The following CTNNA2 variants were observed in gnomAD, a reference collection of about 807,000 sequenced individuals.
The protein encoded by CTNNA2 is catenin alpha 2, also known as catenin alpha-2.
Under a neutral mutation model 101.0 loss-of-function variants are expected in CTNNA2, and 42 were observed. That is an observed-to-expected ratio of 0.42 (90% confidence interval 0.32 to 0.54). The LOEUF is 0.54. Among genes scored for constraint, CTNNA2 ranks in the 20% least tolerant of loss-of-function variants. CTNNA2 has a pLI of 0.14. For missense variants in CTNNA2, 871 were observed against 1,223.1 expected, an observed-to-expected ratio of 0.71 and a Z score of 4.29; for synonymous variants, 450 against 456.4, an observed-to-expected ratio of 0.99 and a Z score of 0.18.
intron 2 of CTNNA2, among the ~76,000 whole-genome samples, chr2:79,242,754 G>T (rs1012804069): frequency 2.6e-5 from 4 of 151,912 alleles, no homozygotes; most frequent in Non-Finnish European, 5.9e-5. Context: ...AACTGCTTGA[G>T]CCCAGAAGTT....
chr2:79,249,760 T>A (rs1674745501), intron 2 of CTNNA2, among the ~76,000 whole-genome samples: 2 of 152,206 alleles, frequency 1.3e-5, no homozygotes, highest in African/African-American at 2.4e-5. Context: ...TTAGACCTTC[T>A]TCTTGCATAG....
chr2:80,612,854 G>A (rs372471795), intron 17 of CTNNA2: 1 of 151,320 alleles, frequency 6.6e-6, no homozygotes, highest in African/African-American at 2.4e-5. Context: ...ATTTCAATTT[G>A]GGTTTGGAAT....
At chr2:80,485,094 A>G (rs1041819100) in intron 9 of CTNNA2, among the ~76,000 whole-genome samples, 4 of 152,162 alleles carry the variant, frequency 2.6e-5, no homozygotes, top group African/African-American at 9.7e-5. Context: ...AATAGTTTGT[A>G]AGTGTACGTG....
At chr2:79,566,871 A>G (rs75363706) in intron 1 of CTNNA2, among the ~76,000 whole-genome samples, 2 of 152,316 alleles carry the variant, frequency 1.3e-5, no homozygotes, top group East Asian at 3.9e-4. Context: ...AATTCCTTCT[A>G]TATTTACAAC....
intron 3 of CTNNA2, among the ~76,000 whole-genome samples, chr2:79,832,893 G>A (rs942672834): frequency 2.6e-5 from 4 of 152,048 alleles, no homozygotes; most frequent in Admixed American, 6.6e-5. Flanking sequence ...TACTATTCTC[G>A]TAAATTTTAA....
chr2:79,538,991 T>C (rs775234546), intron 1 of CTNNA2, among the ~76,000 whole-genome samples: 13 of 152,160 alleles, frequency 8.5e-5, no homozygotes, highest in Non-Finnish European at 1.3e-4. Flanking sequence ...AGAGAAGTGA[T>C]CTGCTTACAT....
intron 1 of CTNNA2, among the ~76,000 whole-genome samples, chr2:79,188,118 T>A (rs1246711240): frequency 6.6e-6 from 1 of 152,192 alleles, no homozygotes; most frequent in Non-Finnish European, 1.5e-5. Context: ...TATGGATATA[T>A]GTATATTATT....
At chr2:79,946,548 A>G (rs1165757119) in intron 7 of CTNNA2, among the ~76,000 whole-genome samples, 2 of 152,190 alleles carry the variant, frequency 1.3e-5, no homozygotes, top group Non-Finnish European at 2.9e-5. Context: ...GTGTAGTCCA[A>G]TATTAAACAC....
At chr2:80,345,869 A>T (rs184102836) in intron 7 of CTNNA2, among the ~76,000 whole-genome samples, 58 of 152,306 alleles carry the variant, frequency 3.8e-4, no homozygotes, top group African/African-American at 1.3e-3. Flanking sequence ...GTTTAATCAT[A>T]CGTGGCCTAG....
At chr2:79,681,033 TG>T (rs149172600) in intron 2 of CTNNA2, among the ~76,000 whole-genome samples, 3,286 of 152,188 alleles carry the variant, frequency 0.022, 115 homozygotes, top group African/African-American at 0.075. Context: ...TGCACACCTG[TG>T]GTCCTAGCTA....
rs73938191 is a variant in CTNNA2, at chr2:79,321,062, C to A, written c.-318+8266C>A. ...GTAATGGATTTGGCTACTGTTATTA[C>A]GTAATCACAACTACCTTTGTTAAGT... On this transcript the variant is annotated intron_variant, in intron 3 of 21. Coordinates refer to the CTNNA2 transcript ENST00000466387. 2.2e-3 allele frequency among the ~76,000 whole-genome samples: 332 copies of A among 152,234 alleles called. 3 individuals are homozygous for A. Among genetic ancestry groups the A allele is most frequent in the African/African-American group, 6.7e-3 (277 of 41,536 alleles).
chr2:79,901,901 G>A (rs530912071), intron 6 of CTNNA2, among the ~76,000 whole-genome samples: 2 of 152,280 alleles, frequency 1.3e-5, no homozygotes, highest in South Asian at 4.1e-4. Flanking sequence ...TTACAGCTGA[G>A]TACAATTAGA....
chr2:79,397,342 C>T (rs764728766), intron 4 of CTNNA2, among the ~76,000 whole-genome samples: 7 of 151,760 alleles, frequency 4.6e-5, no homozygotes, highest in Non-Finnish European at 8.8e-5. Context: ...ATTTTGGTAC[C>T]CCTTAATCAC....
intron 11 of CTNNA2, among the ~76,000 whole-genome samples, chr2:80,551,197 G>A (rs535885106): frequency 6.6e-6 from 1 of 152,290 alleles, no homozygotes; most frequent in East Asian, 1.9e-4. Flanking sequence ...TTTCAAGAGT[G>A]GACTTGAAAT....
At chr2:79,652,506 A>G (rs1681330762) in intron 2 of CTNNA2, among the ~76,000 whole-genome samples, 1 of 152,016 alleles carries the variant, frequency 6.6e-6, no homozygotes, top group Non-Finnish European at 1.5e-5. Flanking sequence ...AGCATCTTCA[A>G]ATTTCTCTTG....
At chr2:79,371,245 T>C (rs1477774014) in intron 3 of CTNNA2, among the ~76,000 whole-genome samples, 1 of 151,812 alleles carries the variant, frequency 6.6e-6, no homozygotes, top group Non-Finnish European at 1.5e-5. Flanking sequence ...AAAGATGCGA[T>C]GGAAGGAGCA....
At chr2:80,116,902 A>AGTGT (rs112383959) in intron 7 of CTNNA2, among the ~76,000 whole-genome samples, 2,046 of 143,604 alleles carry the variant, frequency 0.014, 30 homozygotes, top group South Asian at 0.033. Flanking sequence ...AGAAGAAAAT[A>AGTGT]GTGTGTGTGT....
At chr2:79,947,915 A>G (rs763111184) in intron 7 of CTNNA2, among the ~76,000 whole-genome samples, 5 of 152,182 alleles carry the variant, frequency 3.3e-5, no homozygotes, top group Non-Finnish European at 7.3e-5. Flanking sequence ...GCGGTAAAAA[A>G]TGAAGGCAGC....
chr2:80,012,802 A>C (rs1693879457), intron 7 of CTNNA2, among the ~76,000 whole-genome samples: 1 of 152,182 alleles, frequency 6.6e-6, no homozygotes, highest in Non-Finnish European at 1.5e-5. Flanking sequence ...AGATAAAATA[A>C]ATGATCACAG....
Sources: gnomAD v4.1 joint callset for allele counts (sites outside exome capture counted in the v4.1 genomes callset) on GRCh38, gnomAD v4.1.1 for gene constraint, MANE v1.5 for transcripts, NCBI Gene and HGNC (gene_info 2026-07-23, HGNC 2026-07-21) for gene names.